Variants in YLPM1 observed in about 807,000 individuals in gnomAD.
YLPM1 encodes the protein YLP motif-containing protein 1.
Under a neutral mutation model 230.0 loss-of-function variants are expected in YLPM1, and 99 were observed. That is an observed-to-expected ratio of 0.43 (90% CI 0.37 to 0.51). YLPM1 has a LOEUF of 0.51. Ranked by LOEUF, YLPM1 falls within the 20% of genes least tolerant of loss-of-function variation. The probability of loss-of-function intolerance (pLI) is 0.00; values close to 1 mark genes in which losing one functional copy is unlikely to be tolerated. For synonymous variants in YLPM1, 984 were observed against 942.5 expected (o/e 1.04, Z -0.81); for missense variants, 2,592 against 2,707.7 (o/e 0.96, Z 0.95).
intron 10 of YLPM1, among the ~76,000 whole-genome samples, chr14:74,812,134 A>G (rs1481503019): frequency 6.6e-6 from 1 of 152,226 alleles, no homozygotes; most frequent in African/African-American, 2.4e-5. Flanking sequence ...GCTCTGTGAC[A>G]TTCCATTGAG....
intron 18 of YLPM1, 28 bp downstream of exon 18, chr14:74,824,335 T>G (rs769818401): frequency 6.2e-7 from 1 of 1,604,234 alleles, no homozygotes. Flanking sequence ...CCTGTTTTTA[T>G]ATGTGATACC....
chr14:74,811,210 A>C (rs1242084898), intron 9 of YLPM1, among the ~76,000 whole-genome samples: 1 of 151,972 alleles, frequency 6.6e-6, no homozygotes, highest in Admixed American at 6.6e-5. Context: ...GGCCGGGCGT[A>C]GTGGCTCACG....
intron 1 of YLPM1, among the ~76,000 whole-genome samples, chr14:74,769,057 T>G (rs1358753452): frequency 6.6e-6 from 1 of 151,276 alleles, no homozygotes; most frequent in Non-Finnish European, 1.5e-5. Context: ...TTATTTTTTA[T>G]TTGTTTTTAT....
intron 4 of YLPM1, among the ~76,000 whole-genome samples, chr14:74,792,883 AG>A (rs1446489144): frequency 6.6e-6 from 1 of 152,168 alleles, no homozygotes; most frequent in African/African-American, 2.4e-5. Context: ...TAACTTGCTA[AG>A]GAAGTGTGGG....
intron 6 of YLPM1, among the ~76,000 whole-genome samples, chr14:74,803,202 A>G (rs1470910219): frequency 6.6e-6 from 1 of 152,012 alleles, no homozygotes; most frequent in African/African-American, 2.4e-5. Context: ...GGGAAATGTC[A>G]TACCCCAGTA....
At chr14:74,788,489 G>A (rs2091171360) in intron 4 of YLPM1, among the ~76,000 whole-genome samples, 1 of 152,180 alleles carries the variant, frequency 6.6e-6, no homozygotes, top group Non-Finnish European at 1.5e-5. Context: ...GATAAGATAA[G>A]GTCCTTCCTG....
chr14:74,785,480 T>C (rs1351052914), intron 4 of YLPM1, among the ~76,000 whole-genome samples: 1 of 152,206 alleles, frequency 6.6e-6, no homozygotes, highest in Non-Finnish European at 1.5e-5. Flanking sequence ...TTGGGACTGT[T>C]ACCCAGGCAT....
chr14:74,803,729 C>A (rs1280221886), intron 6 of YLPM1, among the ~76,000 whole-genome samples: 1 of 150,998 alleles, frequency 6.6e-6, no homozygotes, highest in Non-Finnish European at 1.5e-5. Context: ...AATCAACCCT[C>A]CATCTTGCTC....
chr14:74,797,484 CAA>C, intron 4 of YLPM1, 94 bp from the exon 5 acceptor site: 2 of 1,080,662 alleles, frequency 1.9e-6, no homozygotes, highest in Non-Finnish European at 2.6e-6. Flanking sequence ...TTGTTGTAAA[CAA>C]ATTCTAAGGC....
Position 74,781,658 on chromosome 14 carries a change from C to T in YLPM1, c.1615C>T (p.Pro539Ser). 6.2e-7 allele frequency: 1 copy of T among 1,611,414 alleles called. No individual in the cohort carries two copies. The highest frequency in any genetic ancestry group is 8.5e-7 in the Non-Finnish European group (1 of 1,178,884). ...PLPTMPPPVL[P>S]PSLPPPVMPP... is the part of the protein sequence containing the mutation. ...ACCTACAATGCCCCCTCCAGTGTTG[C>T]CTCCTTCATTGCCACCACCAGTGAT... Residue 539 changes from proline to serine, a missense_variant, in exon 4 of 21, where the codon CCT (proline) becomes TCT (serine). Coordinates refer to ENST00000325680, the MANE Select transcript of YLPM1 (RefSeq NM_019589.3).
chr14:74,774,429 G>A (rs556917394), intron 1 of YLPM1, among the ~76,000 whole-genome samples: 2 of 150,756 alleles, frequency 1.3e-5, no homozygotes, highest in South Asian at 2.1e-4. Context: ...GTTTTGAGAC[G>A]GAGTCTCGCT....
At chr14:74,773,584 A>AT (rs2091001155) in intron 1 of YLPM1, among the ~76,000 whole-genome samples, 3 of 152,104 alleles carry the variant, frequency 2.0e-5, no homozygotes, top group African/African-American at 2.4e-5. Context: ...GAATGTACTA[A>AT]TTTTTTTAAA....
At chr14:74,789,939 A>G (rs2091190284) in intron 4 of YLPM1, among the ~76,000 whole-genome samples, 1 of 150,948 alleles carries the variant, frequency 6.6e-6, no homozygotes, top group Non-Finnish European at 1.5e-5. Context: ...TTTTTTTTAA[A>G]CCTTCAAGAA....
At chr14:74,776,962 G>C (rs141181136) in intron 1 of YLPM1, among the ~76,000 whole-genome samples, 1 of 151,998 alleles carries the variant, frequency 6.6e-6, no homozygotes, top group African/African-American at 2.4e-5. Flanking sequence ...AGGTTGAAGC[G>C]GGAGGATCAT....
chr14:74,782,057 C>T lies in YLPM1; in HGVS notation c.2014C>T (p.Pro672Ser), dbSNP rs765229269. ...AGAGAAACCTAGACCAGCACTGCTT[C>T]CTACTCCTGTGTCTTTTGGTTCTGC... is the stretch of plus-strand genomic sequence containing the variant. The part of the protein sequence containing the change: ...VPEKPRPALL[P>S]TPVSFGSAPP... The change falls in exon 4 of 21, where the codon CCT becomes TCT. Residue 672 changes from proline to serine, a missense_variant. Around this residue, in one of 4 missense-constraint regions of YLPM1, gnomAD observed 1,862 missense variants for 1,819.8 expected, o/e 1.02. Transcript: ENST00000325680. 6 of 1,614,046 alleles carry T rather than the reference C, an allele frequency of 3.7e-6. No homozygotes were observed. Among genetic ancestry groups the T allele is most frequent in the Non-Finnish European group, 4.2e-6 (5 of 1,179,902 alleles).
At chr14:74,789,928 T>C (rs1165876288) in intron 4 of YLPM1, among the ~76,000 whole-genome samples, 1 of 152,114 alleles carries the variant, frequency 6.6e-6, no homozygotes, top group African/African-American at 2.4e-5. Context: ...GCAGCCTTTT[T>C]TTTTTTTTAA....
chr14:74,815,398 C>A (rs2091469690), intron 11 of YLPM1, among the ~76,000 whole-genome samples: 1 of 151,902 alleles, frequency 6.6e-6, no homozygotes, highest in African/African-American at 2.4e-5. Context: ...CCCATCTCTA[C>A]TAAAAACACA....
At chr14:74,785,221 T>A (rs931765709) in intron 4 of YLPM1, among the ~76,000 whole-genome samples, 5 of 152,218 alleles carry the variant, frequency 3.3e-5, no homozygotes, top group African/African-American at 1.2e-4. Flanking sequence ...TGTTTTCTAG[T>A]TAGGTTTGCA....
intron 17 of YLPM1, among the ~76,000 whole-genome samples, chr14:74,823,404 C>T (rs2091538170): frequency 6.6e-6 from 1 of 151,974 alleles, no homozygotes; most frequent in South Asian, 2.1e-4. Flanking sequence ...AATGATAAAT[C>T]ACATGGTAAA....
Sources: allele counts gnomAD v4.1 joint callset (sites outside exome capture counted in the v4.1 genomes callset), GRCh38; gene constraint gnomAD v4.1.1; regional missense constraint gnomAD v4.1.1; transcripts MANE v1.5; gene names NCBI Gene and HGNC (gene_info 2026-07-23, HGNC 2026-07-21).